Variants in ADK observed in about 807,000 individuals in gnomAD.
ADK encodes the protein N6,N6-dimethyladenosine kinase.
A neutral mutation model predicts 44.7 loss-of-function variants in ADK; 24 were observed. That is an observed-to-expected ratio of 0.54 (90% CI 0.39 to 0.76). The LOEUF (loss-of-function observed/expected upper bound fraction) is 0.76. Among genes scored for constraint, ADK ranks in the 30% least tolerant of loss-of-function variants. The pLI, the probability that ADK is intolerant of heterozygous loss-of-function variation, is 0.00. For missense variants in ADK, 321 were observed against 425.1 expected, an observed-to-expected ratio of 0.76 and a Z score of 2.15; for synonymous variants, 128 against 142.6, an observed-to-expected ratio of 0.90 and a Z score of 0.73.
At chr10:74,559,185 C>T (rs181782818) in intron 7 of ADK, among the ~76,000 whole-genome samples, 10 of 152,352 alleles carry the variant, frequency 6.6e-5, no homozygotes, top group South Asian at 2.1e-4. Flanking sequence ...TGCTCCCTGA[C>T]GCTGTTCATC....
chr10:74,302,648 G>A (rs949826212), intron 3 of ADK, among the ~76,000 whole-genome samples: 7 of 152,034 alleles, frequency 4.6e-5, no homozygotes, highest in African/African-American at 1.7e-4. Context: ...ATTTTAAAAT[G>A]AGCTGGTTAT....
chr10:74,553,553 T>C (rs185523052), intron 7 of ADK, among the ~76,000 whole-genome samples: 1 of 152,286 alleles, frequency 6.6e-6, no homozygotes, highest in East Asian at 1.9e-4. Flanking sequence ...GAACTACTAC[T>C]ACCCCCAACT....
intron 9 of ADK, among the ~76,000 whole-genome samples, chr10:74,651,288 G>T (rs1253378621): frequency 6.6e-6 from 1 of 152,050 alleles, no homozygotes; most frequent in Non-Finnish European, 1.5e-5. Flanking sequence ...CGGAGAACTG[G>T]TTTGTCTAGT....
At chr10:74,464,328 T>C (rs1166706977) in intron 6 of ADK, among the ~76,000 whole-genome samples, 1 of 151,858 alleles carries the variant, frequency 6.6e-6, no homozygotes, top group Non-Finnish European at 1.5e-5. Flanking sequence ...AAAAGGAACA[T>C]TTGAGCCCAG....
intron 3 of ADK, among the ~76,000 whole-genome samples, chr10:74,231,540 T>C (rs1439294101): frequency 1.4e-5 from 2 of 146,696 alleles, no homozygotes; most frequent in African/African-American, 5.0e-5. Flanking sequence ...TGATCATGAC[T>C]CACTGCAGCC....
intron 1 of ADK, among the ~76,000 whole-genome samples, chr10:74,195,996 G>A (rs953997262): frequency 1.3e-5 from 2 of 151,654 alleles, no homozygotes; most frequent in African/African-American, 4.8e-5. Context: ...TAGAGATGGA[G>A]TTTTGGCATG....
intron 3 of ADK, among the ~76,000 whole-genome samples, chr10:74,279,226 T>A (rs1293679137): frequency 6.6e-6 from 1 of 151,660 alleles, no homozygotes; most frequent in African/African-American, 2.4e-5. Context: ...GTTGCAGTGA[T>A]CCGAGATTGC....
rs1002475377 is a variant in ADK at position 74,231,965 on chromosome 10, T to G, written c.194+7374T>G. Among the ~76,000 whole-genome samples the G allele has an allele frequency of 8.7e-5, 13 of 149,934 alleles. 1 individual carries two copies. The highest frequency in any genetic ancestry group is 2.4e-4 in the African/African-American group (10 of 41,058). ...CTTTGCTGCTTTTTTTTGTTTGTCT[T>G]TTTTTTTTTCTTTTACTGATATGGT... On this transcript the variant is annotated intron_variant, in intron 3 of 10. Transcript: ENST00000539909.
chr10:74,659,456 C>A (rs993912155), intron 9 of ADK, among the ~76,000 whole-genome samples: 7 of 152,078 alleles, frequency 4.6e-5, no homozygotes, highest in African/African-American at 1.7e-4. Context: ...GAGATTTTAC[C>A]ACAAACAATG....
chr10:74,670,257 G>A lies in ADK; in HGVS notation c.952G>A (p.Ala318Thr). Reference sequence around the variant, plus strand: ...TATTGATACCAATGGAGCTGGAGATGCATTTGTTGGAGGTACAGACTAATT... The same window carrying A: ...TATTGATACCAATGGAGCTGGAGATACATTTGTTGGAGGTACAGACTAATT... ...EIIDTNGAGD[A>T]FVGGFLSQLV... The change falls in exon 10 of 11, where the codon GCA (alanine) becomes ACA (threonine). Residue 318 changes from alanine (A) to threonine (T), a missense_variant. Coordinates refer to ENST00000539909, the MANE Select transcript of ADK (RefSeq NM_006721.4). 2 of 1,612,714 alleles carry A rather than the reference G, an allele frequency of 1.2e-6. No homozygotes were observed. The highest frequency in any genetic ancestry group is 1.7e-6 in the Non-Finnish European group (2 of 1,178,838).
chr10:74,668,316 A>T (rs1021786238), intron 9 of ADK, among the ~76,000 whole-genome samples: 1 of 151,978 alleles, frequency 6.6e-6, no homozygotes, highest in Non-Finnish European at 1.5e-5. Flanking sequence ...TGGCCTGCAT[A>T]GTAGTTTGTG....
At chr10:74,185,450 G>T (rs1236850949) in intron 1 of ADK, among the ~76,000 whole-genome samples, 1 of 151,736 alleles carries the variant, frequency 6.6e-6, no homozygotes, top group African/African-American at 2.4e-5. Context: ...CATATGGAAG[G>T]ATTGGCTTTA....
At chr10:74,677,952 A>AC (rs1465154478) in intron 10 of ADK, among the ~76,000 whole-genome samples, 1 of 98,788 alleles carries the variant, frequency 1.0e-5, no homozygotes, top group Non-Finnish European at 1.8e-5. Flanking sequence ...GCACAGTGAG[A>AC]CCCCAGTCTC....
intron 10 of ADK, among the ~76,000 whole-genome samples, chr10:74,695,941 C>T (rs77443330): frequency 0.019 from 2,885 of 151,532 alleles, 98 homozygotes; most frequent in African/African-American, 0.066. Flanking sequence ...CACCCAGCCT[C>T]CCTTTACAAT....
intron 4 of ADK, among the ~76,000 whole-genome samples, chr10:74,381,926 A>C (rs1401528680): frequency 1.3e-5 from 2 of 152,106 alleles, no homozygotes. Flanking sequence ...TAAAGTGTAT[A>C]CTAGAAAAAG....
chr10:74,613,592 A>C (rs2134003599), intron 9 of ADK, among the ~76,000 whole-genome samples: 1 of 152,124 alleles, frequency 6.6e-6, no homozygotes, highest in South Asian at 2.1e-4. Flanking sequence ...ACTTGTCTTC[A>C]TGTTCCTGAG....
intron 6 of ADK, among the ~76,000 whole-genome samples, chr10:74,443,384 CA>C (rs1303106017): frequency 6.6e-6 from 1 of 152,178 alleles, no homozygotes; most frequent in Non-Finnish European, 1.5e-5. Flanking sequence ...GAAGTACTTT[CA>C]TCCATGCTGC....
intron 6 of ADK, among the ~76,000 whole-genome samples, chr10:74,501,494 C>G (rs979755820): frequency 6.6e-6 from 1 of 152,136 alleles, no homozygotes; most frequent in Non-Finnish European, 1.5e-5. Flanking sequence ...AAGGGACTCC[C>G]TATTCAGAAT....
intron 4 of ADK, among the ~76,000 whole-genome samples, chr10:74,366,281 G>A (rs1168193706): frequency 2.0e-5 from 3 of 152,048 alleles, no homozygotes; most frequent in African/African-American, 2.4e-5. Context: ...AGTACGTCTT[G>A]AAAGTTTTAA....
Sources: allele counts gnomAD v4.1 joint callset (sites outside exome capture counted in the v4.1 genomes callset), GRCh38; gene constraint gnomAD v4.1.1; transcripts MANE v1.5; gene names NCBI Gene and HGNC (gene_info 2026-07-23, HGNC 2026-07-21).